KLHL1: variants seen among roughly 807,000 people sequenced by gnomAD.
KLHL1 encodes the protein kelch like family member 1.
Under a neutral mutation model 77.7 loss-of-function variants are expected in KLHL1, and 47 were observed. The observed-to-expected ratio is 0.60, with a 90% CI of 0.48 to 0.77. The LOEUF is 0.77. Ranked by LOEUF, KLHL1 falls within the 30% of genes least tolerant of loss-of-function variation. The pLI, the probability that KLHL1 is intolerant of heterozygous loss-of-function variation, is 0.00. For missense variants in KLHL1, 925 were observed against 910.8 expected (o/e 1.02, Z -0.20); for synonymous variants, 360 against 325.2 (o/e 1.11, Z -1.15).
chr13:69,755,921 A>C (rs1312023798), intron 7 of KLHL1, among the ~76,000 whole-genome samples: 3 of 152,116 alleles, frequency 2.0e-5, no homozygotes, highest in Admixed American at 6.6e-5. Flanking sequence ...ATTTTGTGAA[A>C]ATTTCTTAAT....
intron 6 of KLHL1, among the ~76,000 whole-genome samples, chr13:69,818,940 T>C (rs1052125116): frequency 4.6e-5 from 7 of 152,228 alleles, no homozygotes; most frequent in African/African-American, 1.7e-4. Flanking sequence ...AGTATTTTAA[T>C]GTTATTTCTC....
intron 6 of KLHL1, among the ~76,000 whole-genome samples, chr13:69,806,249 AT>A (rs1877611360): frequency 6.6e-6 from 1 of 152,232 alleles, no homozygotes; most frequent in Admixed American, 6.5e-5. Flanking sequence ...CACAGTTCAC[AT>A]GGCCACAACT....
intron 1 of KLHL1, among the ~76,000 whole-genome samples, chr13:70,023,524 A>G (rs955461521): frequency 2.0e-5 from 3 of 151,944 alleles, no homozygotes; most frequent in Admixed American, 1.3e-4. Flanking sequence ...AACTGCCACA[A>G]AATATTTTAT....
chr13:69,921,161 T>G (rs1882620317), intron 4 of KLHL1, among the ~76,000 whole-genome samples: 1 of 152,148 alleles, frequency 6.6e-6, no homozygotes, highest in South Asian at 2.1e-4. Context: ...TAGAATAAAC[T>G]AAAAACCTAT....
At chr13:69,798,032 T>C (rs1334302764) in intron 6 of KLHL1, among the ~76,000 whole-genome samples, 1 of 152,180 alleles carries the variant, frequency 6.6e-6, no homozygotes, top group Non-Finnish European at 1.5e-5. Flanking sequence ...AGATTTGTTT[T>C]AATGGGTTTA....
At chr13:70,102,794 T>G (rs1444878065) in intron 1 of KLHL1, among the ~76,000 whole-genome samples, 1 of 152,236 alleles carries the variant, frequency 6.6e-6, no homozygotes, top group Non-Finnish European at 1.5e-5. Context: ...CTTACGCATA[T>G]AAATATTCAA....
chr13:69,806,093 A>G (rs1450369939), intron 6 of KLHL1, among the ~76,000 whole-genome samples: 1 of 152,204 alleles, frequency 6.6e-6, no homozygotes, highest in Non-Finnish European at 1.5e-5. Flanking sequence ...TTAATGTAAT[A>G]AGAGTGGTTA....
intron 1 of KLHL1, among the ~76,000 whole-genome samples, chr13:70,050,090 T>G (rs1566532663): frequency 6.6e-6 from 1 of 152,022 alleles, no homozygotes; most frequent in African/African-American, 2.4e-5. Flanking sequence ...TTTCATTGAT[T>G]ATTTAAATTG....
At chr13:69,840,104 G>C in intron 5 of KLHL1, among the ~76,000 whole-genome samples, 1 of 151,942 alleles carries the variant, frequency 6.6e-6, no homozygotes, top group Admixed American at 6.6e-5. Flanking sequence ...GAATAAAAAT[G>C]GCAGCATGTG....
At chr13:69,823,968 A>G (rs956147776) in intron 6 of KLHL1, among the ~76,000 whole-genome samples, 5 of 152,012 alleles carry the variant, frequency 3.3e-5, no homozygotes, top group African/African-American at 1.2e-4. Context: ...TGGTGTGTAT[A>G]TCATTATGTG....
chr13:69,835,772 C>T lies in KLHL1; in HGVS notation c.1414+3204G>A. Among the ~76,000 whole-genome samples, 2 of 151,622 alleles carry T rather than the reference C, an allele frequency of 1.3e-5. 1 individual carries two copies. The highest frequency in any genetic ancestry group is 3.9e-4 in the East Asian group (2 of 5,160). ...ACCTTTTAGATGTTGAAATTATTAGCCCCAGGATATAAAATAAAATGTGTA... is the reference window on the plus strand; with the variant it reads ...ACCTTTTAGATGTTGAAATTATTAGTCCCAGGATATAAAATAAAATGTGTA... On this transcript the variant is annotated intron_variant, in intron 6 of 10. Transcript: ENST00000377844.
chr13:69,889,357 T>C (rs1345415562), intron 4 of KLHL1, among the ~76,000 whole-genome samples: 2 of 152,040 alleles, frequency 1.3e-5, no homozygotes, highest in South Asian at 2.1e-4. Flanking sequence ...CTTGTTATTT[T>C]ACCGGGGAGA....
chr13:69,802,589 A>T (rs1421711341), intron 6 of KLHL1, among the ~76,000 whole-genome samples: 1 of 152,148 alleles, frequency 6.6e-6, no homozygotes, highest in Non-Finnish European at 1.5e-5. Context: ...CAGTTATGTT[A>T]TCTATAGAAT....
intron 1 of KLHL1, among the ~76,000 whole-genome samples, chr13:69,997,340 T>C (rs1231221152): frequency 2.0e-5 from 3 of 151,908 alleles, no homozygotes; most frequent in Non-Finnish European, 2.9e-5. Flanking sequence ...ATGTCTTTCA[T>C]CAAATTGTTG....
chr13:69,702,467 TTTA>T (rs1219404265), intron 10 of KLHL1, among the ~76,000 whole-genome samples: 1 of 151,746 alleles, frequency 6.6e-6, no homozygotes, highest in Non-Finnish European at 1.5e-5. Context: ...ATCAATAATT[TTTA>T]TTACAGTTTT....
chr13:70,074,257 A>G (rs529913673), intron 1 of KLHL1, among the ~76,000 whole-genome samples: 2 of 152,232 alleles, frequency 1.3e-5, no homozygotes, highest in Non-Finnish European at 2.9e-5. Context: ...GGACTGTTTC[A>G]TGTAGAAGTA....
chr13:69,991,866 G>A (rs982215731), intron 1 of KLHL1, among the ~76,000 whole-genome samples: 1 of 151,920 alleles, frequency 6.6e-6, no homozygotes, highest in Non-Finnish European at 1.5e-5. Flanking sequence ...TAAAGCATAA[G>A]GGCATTTTAT....
chr13:70,033,161 T>C (rs1335995681), intron 1 of KLHL1, among the ~76,000 whole-genome samples: 2 of 152,212 alleles, frequency 1.3e-5, no homozygotes, highest in African/African-American at 4.8e-5. Context: ...TTCATTTTAT[T>C]GACCTATGTT....
At chr13:69,959,078 T>C (rs1307765422) in intron 3 of KLHL1, among the ~76,000 whole-genome samples, 1 of 152,028 alleles carries the variant, frequency 6.6e-6, no homozygotes, top group Admixed American at 6.6e-5. Context: ...AACTAAAAAT[T>C]TAAGGTATTG....
Sources: allele counts gnomAD v4.1 joint callset (sites outside exome capture counted in the v4.1 genomes callset), GRCh38; gene constraint gnomAD v4.1.1; transcripts MANE v1.5; gene names NCBI Gene and HGNC (gene_info 2026-07-23, HGNC 2026-07-21).